The following CDKN3 variants were observed in gnomAD, a reference collection of about 807,000 sequenced individuals.
The protein encoded by CDKN3 is cyclin-dependent kinase inhibitor 3.
Under a neutral mutation model 36.1 loss-of-function variants are expected in CDKN3, and 19 were observed. That is an observed-to-expected ratio of 0.53 (90% CI 0.37 to 0.77). CDKN3 has a LOEUF of 0.77. CDKN3 is among the 30% of genes least tolerant of loss of function. The probability of loss-of-function intolerance (pLI) is 0.00; values close to 1 mark genes in which losing one functional copy is unlikely to be tolerated. For synonymous variants in CDKN3, 71 were observed against 85.3 expected, an observed-to-expected ratio of 0.83 and a Z score of 0.92; for missense variants, 188 against 248.6, an observed-to-expected ratio of 0.76 and a Z score of 1.64.
chr14:54,413,842 G>T, intron 5 of CDKN3: 1 of 1,384,236 alleles, frequency 7.2e-7, no homozygotes, highest in Non-Finnish European at 9.3e-7. Context: ...GTTTCTTGGG[G>T]CTATTGTAAC....
At chr14:54,407,028 C>T (rs571638718) in intron 3 of CDKN3, among the ~76,000 whole-genome samples, 2 of 152,212 alleles carry the variant, frequency 1.3e-5, no homozygotes, top group East Asian at 3.9e-4. Context: ...GGGGTTTCTG[C>T]GTGGGCGTCC....
intron 1 of CDKN3, 130 bp from the exon 2 acceptor site, chr14:54,399,764 C>A: frequency 3.0e-6 from 2 of 663,362 alleles, no homozygotes; most frequent in Non-Finnish European, 2.7e-6. Flanking sequence ...TTGCTGATCT[C>A]GTTAATATTC....
At chr14:54,419,136 C>G (rs541376011) in intron 7 of CDKN3, among the ~76,000 whole-genome samples, 1 of 149,642 alleles carries the variant, frequency 6.7e-6, no homozygotes, top group East Asian at 1.9e-4. Flanking sequence ...CCAGCCTGGG[C>G]GACAAAGTGA....
chr14:54,411,240 T>A (rs1024668673), intron 4 of CDKN3: 16 of 435,694 alleles, frequency 3.7e-5, no homozygotes, highest in South Asian at 1.2e-4. Flanking sequence ...CAAAAAAAAA[T>A]TTTTTGCAAG....
intron 3 of CDKN3, among the ~76,000 whole-genome samples, chr14:54,403,750 G>T (rs2139970805): frequency 6.6e-6 from 1 of 152,278 alleles, no homozygotes; most frequent in South Asian, 2.1e-4. Context: ...TTAGCATGAA[G>T]GGGTGTTGAA....
chr14:54,417,621 T>C (rs1648180857), intron 6 of CDKN3, among the ~76,000 whole-genome samples: 1 of 152,192 alleles, frequency 6.6e-6, no homozygotes, highest in Non-Finnish European at 1.5e-5. Context: ...ATGAACACTT[T>C]AAATGGATGA....
At chr14:54,398,365 C>T (rs1886379888) in intron 1 of CDKN3, among the ~76,000 whole-genome samples, 2 of 152,204 alleles carry the variant, frequency 1.3e-5, no homozygotes, top group South Asian at 4.1e-4. Context: ...AGGAACTGAA[C>T]ACCAGTATCT....
At chr14:54,412,140 G>A (rs1303302016) in intron 5 of CDKN3, among the ~76,000 whole-genome samples, 2 of 152,066 alleles carry the variant, frequency 1.3e-5, no homozygotes, top group Non-Finnish European at 2.9e-5. Context: ...CAGCATTTTG[G>A]GAGACTGTGG....
At chr14:54,404,698 C>G (rs1240289318) in intron 3 of CDKN3, among the ~76,000 whole-genome samples, 1 of 152,070 alleles carries the variant, frequency 6.6e-6, no homozygotes, top group Non-Finnish European at 1.5e-5. Flanking sequence ...CGTCAGCCTC[C>G]CTAGTAGCTG....
chr14:54,408,831 A>G (rs2030254169), intron 4 of CDKN3, 42 bp downstream of exon 4: 1 of 1,504,656 alleles, frequency 6.6e-7, no homozygotes, highest in Non-Finnish European at 8.8e-7. Flanking sequence ...GGTTTTTTAA[A>G]TGAATAGCAT....
chr14:54,404,467 GTCTA>G (rs199819068), intron 3 of CDKN3, among the ~76,000 whole-genome samples: 5,313 of 151,884 alleles, frequency 0.035, 323 homozygotes, highest in African/African-American at 0.12. Context: ...CTGGCTAGTG[GTCTA>G]TCTATTTTGT....
intron 3 of CDKN3, among the ~76,000 whole-genome samples, chr14:54,402,204 CAAA>C (rs202192816): frequency 7.2e-5 from 8 of 110,578 alleles, no homozygotes; most frequent in Non-Finnish European, 7.6e-5. Flanking sequence ...GACTCTGTCT[CAAA>C]AAAAAAAAAA....
At chr14:54,419,945 T>A (rs1309719830) in intron 7 of CDKN3, 47 bp from the exon 8 acceptor site, 3 of 1,068,340 alleles carry the variant, frequency 2.8e-6, no homozygotes, top group East Asian at 2.4e-5. Flanking sequence ...CCCACACTGA[T>A]AACTAGTTTT....
chr14:54,415,300 G>C (rs561113698), intron 5 of CDKN3, among the ~76,000 whole-genome samples: 1 of 152,318 alleles, frequency 6.6e-6, no homozygotes, highest in Middle Eastern at 3.4e-3. Flanking sequence ...TCACTCATTT[G>C]TGAGCCTCAT....
At chr14:54,398,161 G>A (rs948119802) in intron 1 of CDKN3, among the ~76,000 whole-genome samples, 3 of 152,116 alleles carry the variant, frequency 2.0e-5, no homozygotes, top group African/African-American at 7.2e-5. Flanking sequence ...AAAAAAGTCC[G>A]TAGCCTAAAT....
At chr14:54,402,911 A>G (rs532207482) in intron 3 of CDKN3, among the ~76,000 whole-genome samples, 4 of 152,236 alleles carry the variant, frequency 2.6e-5, no homozygotes, top group African/African-American at 7.2e-5. Flanking sequence ...TGGTCTATAT[A>G]TCTGTTTTGG....
chr14:54,418,338 A>C, intron 7 of CDKN3: 1 of 687,014 alleles, frequency 1.5e-6, no homozygotes, highest in Non-Finnish European at 2.6e-6. Context: ...TGGCCAAAAA[A>C]AATCTATGGA....
rs1014455265 is a variant in CDKN3 at position 54,397,189 on chromosome 14, C to A, written c.9+112C>A. The A allele has an allele frequency of 1.1e-4, 132 of 1,197,196 alleles. No homozygotes were observed. The African/African-American group carries it at 1.6e-3, about 14-fold the overall frequency. The allele number at this position is 1,197,196 out of a possible 1,614,324, so 74.2% of individuals were successfully genotyped here. A position where few individuals can be genotyped will look rare whatever the true frequency, so the allele number is the denominator to read the frequency against. ...CCTAGCCTGGTAGCAGTGCGACTGG[C>A]GCCGTAACCGTTCTGCGGGTCGGGG... On this transcript the variant is annotated intron_variant, in intron 1 of 7. Transcript: ENST00000335183.
At chr14:54,402,592 G>A (rs1296831549) in intron 3 of CDKN3, among the ~76,000 whole-genome samples, 6 of 152,040 alleles carry the variant, frequency 3.9e-5, no homozygotes, top group East Asian at 1.9e-4. Context: ...TGTTGCAATC[G>A]CCTTTGGTGT....
Sources: gnomAD v4.1 joint callset for allele counts (sites outside exome capture counted in the v4.1 genomes callset) on GRCh38, gnomAD v4.1.1 for gene constraint, MANE v1.5 for transcripts, NCBI Gene and HGNC (gene_info 2026-07-23, HGNC 2026-07-21) for gene names.